The following GAS6 variants were observed in gnomAD, a reference collection of about 807,000 sequenced individuals.
GAS6 encodes the protein growth arrest specific 6, also known as growth arrest-specific protein 6.
In GAS6, 41 loss-of-function variants were observed where a neutral mutation model predicts 75.8. The ratio of observed to expected loss-of-function variants is 0.54; its 90% confidence interval spans 0.42 to 0.70. The LOEUF (loss-of-function observed/expected upper bound fraction) is 0.70. Among genes scored for constraint, GAS6 ranks in the 30% least tolerant of loss-of-function variants. GAS6 has a pLI of 0.00. For missense variants in GAS6, 854 were observed against 940.2 expected (o/e 0.91, Z 1.20); for synonymous variants, 432 against 412.6 (o/e 1.05, Z -0.57).
intron 6 of GAS6, chr13:113,835,942 A>C: frequency 8.6e-7 from 1 of 1,159,476 alleles, no homozygotes; most frequent in Non-Finnish European, 1.1e-6. Flanking sequence ...GTTCCATTTA[A>C]ATGACGGTGC....
At chr13:113,847,705 T>C (rs2051845046) in intron 3 of GAS6, 1 of 377,398 alleles carries the variant, frequency 2.6e-6, no homozygotes, top group Admixed American at 4.6e-5. Context: ...TCAGAAGTGA[T>C]TAGTGCTGAG....
chr13:113,836,177 G>C, intron 6 of GAS6: 1 of 366,372 alleles, frequency 2.7e-6, no homozygotes, highest in Non-Finnish European at 3.3e-6. Flanking sequence ...CCAGAGGAGA[G>C]CAAAGGCAGG....
chr13:113,828,892 AGC>A (rs2051588987), intron 10 of GAS6, among the ~76,000 whole-genome samples, 181 bp from the exon 11 acceptor site: 1 of 119,790 alleles, frequency 8.3e-6, no homozygotes, highest in Non-Finnish European at 1.8e-5. Flanking sequence ...TCCTCCCCTG[AGC>A]CAAGAGGGTC....
intron 2 of GAS6, among the ~76,000 whole-genome samples, chr13:113,853,315 G>A (rs1167691863): frequency 6.6e-6 from 1 of 152,178 alleles, no homozygotes; most frequent in African/African-American, 2.4e-5. Flanking sequence ...CTGGTGGTGA[G>A]GGGCAGCCAG....
At chr13:113,851,353 G>A (rs1331803318) in intron 2 of GAS6, among the ~76,000 whole-genome samples, 1 of 128,086 alleles carries the variant, frequency 7.8e-6, no homozygotes, top group Non-Finnish European at 1.6e-5. Flanking sequence ...GTGAGTGAAT[G>A]GATGAATGAA....
intron 2 of GAS6, among the ~76,000 whole-genome samples, chr13:113,859,553 T>C (rs1447099071): frequency 6.6e-6 from 1 of 152,126 alleles, no homozygotes; most frequent in Non-Finnish European, 1.5e-5. Context: ...TGTGTGTGTG[T>C]ACGTATATCT....
intron 2 of GAS6, among the ~76,000 whole-genome samples, chr13:113,851,505 G>A (rs74498191): frequency 0.083 from 12,505 of 151,240 alleles, 642 homozygotes; most frequent in East Asian, 0.17. Flanking sequence ...GAATAGGTGG[G>A]TGGGTGAGTG....
chr13:113,830,390 C>A (rs2051614815), intron 10 of GAS6, among the ~76,000 whole-genome samples: 1 of 145,234 alleles, frequency 6.9e-6, no homozygotes, highest in Non-Finnish European at 1.5e-5. Flanking sequence ...CTCAGGCCAC[C>A]TGCCCTGGGC....
rs1039818352 is a variant in GAS6 at position 113,847,578 on chromosome 13, C to T, written c.280+448G>A. 20 of 185,016 alleles carry T rather than the reference C, an allele frequency of 1.1e-4. 1 individual carries two copies. In the Admixed American group the frequency reaches 1.2e-3, roughly 11 times the overall value. 11.5% of individuals were successfully genotyped at this position (185,016 alleles called of 1,614,324 possible). A position where few individuals can be genotyped will look rare whatever the true frequency, so the allele number is the denominator to read the frequency against. On this transcript the variant is annotated intron_variant, in intron 3 of 14. Coordinates refer to ENST00000327773, the MANE Select transcript of GAS6 (RefSeq NM_000820.4). ...TGGCTGAGATAACGTCTGGCATTCC[C>T]GTTCTTCAAATTAAACAGAAACACT...
chr13:113,832,839 C>T, intron 8 of GAS6, 87 bp from the exon 9 acceptor site: 8 of 1,597,640 alleles, frequency 5.0e-6, no homozygotes, highest in African/African-American at 1.3e-5. Flanking sequence ...GCAGCGGGTC[C>T]ACTGTCCCTC....
At chr13:113,822,275 C>G (rs1594186150) in intron 13 of GAS6, 89 bp from the exon 14 acceptor site, 2 of 1,012,562 alleles carry the variant, frequency 2.0e-6, no homozygotes, top group East Asian at 2.8e-5. Flanking sequence ...TGCTGGCCAC[C>G]CCTACGCCGC....
rs560984754 is a variant in GAS6, at chr13:113,837,528, C to T, written c.589+541G>A. Among the ~76,000 whole-genome samples the T allele has an allele frequency of 1.9e-4, 29 of 152,256 alleles. No homozygotes were observed. The highest frequency in any genetic ancestry group is 6.5e-4 in the African/African-American group (27 of 41,548). On this transcript the variant is annotated intron_variant, in intron 6 of 14. Coordinates refer to ENST00000327773, the MANE Select transcript of GAS6 (RefSeq NM_000820.4). The surrounding 1 kb of genome is among the most constrained non-coding windows in gnomAD (Gnocchi z 5.1). ...GCAGCAGCAGCACCTGGAACAGCGT[C>T]GGGGGCGCGCACATTCACAGTGACT...
At chr13:113,854,631 C>A (rs1391471881) in intron 2 of GAS6, among the ~76,000 whole-genome samples, 3 of 152,280 alleles carry the variant, frequency 2.0e-5, no homozygotes, top group Non-Finnish European at 4.4e-5. Context: ...AGGCCCTGAG[C>A]CAGCACAGGC....
Position 113,832,505 on chromosome 13 carries a change from G to T in GAS6, c.954-17C>A. On this transcript the variant is annotated splice_polypyrimidine_tract_variant and intron_variant, in intron 9 of 14. Transcript: ENST00000327773. The stretch of plus-strand genomic sequence containing the variant: ...GCTACCAGCCTGGGCACCCACAGGA[G>T]AAATGAGTCAGCACTGGGCACAGGC... 6.3e-7 allele frequency: 1 copy of T among 1,594,800 alleles called. No individual in the cohort carries two copies. The highest frequency in any genetic ancestry group is 8.6e-7 in the Non-Finnish European group (1 of 1,168,596).
rs1419971657 is a variant in GAS6, at chr13:113,863,576, G to T, written c.254C>A (p.Thr85Lys). ...GCATCCCGCCCGCCGGCTGCTCACC[G>T]TCTCGGGGTCGTTCTCGAACACCTC... ...AREVFENDPE[T>K]DYFYPRYLDC... is the part of the protein sequence containing the mutation. Residue 85 changes from threonine (T) to lysine (K), a missense_variant and splice_region_variant, in exon 2 of 15, where the codon ACG becomes AAG. Transcript: ENST00000327773. The surrounding 1 kb of genome is among the most constrained non-coding windows in gnomAD (Gnocchi z 9.4). 6.6e-7 allele frequency: 1 copy of T among 1,511,350 alleles called. No individual in the cohort carries two copies. The highest frequency in any genetic ancestry group is 2.1e-5 in the Admixed American group (1 of 48,508). 93.6% of individuals were successfully genotyped at this position (1,511,350 alleles called of 1,614,324 possible).
At position 113,821,984 on chromosome 13, in the gene GAS6, A is replaced by G. The variant is rs1290115806; in HGVS notation, c.1856T>C (p.Val619Ala). 1.3e-6 allele frequency: 2 copies of G among 1,544,322 alleles called. No individual in the cohort carries two copies. The highest frequency in any genetic ancestry group is 2.7e-5 in the African/African-American group (2 of 73,342). Residue 619 changes from valine (V) to alanine (A), a missense_variant, in exon 14 of 15, where the codon GTG (valine) becomes GCG (alanine). Coordinates refer to ENST00000327773, the MANE Select transcript of GAS6 (RefSeq NM_000820.4). ...AVLERHLRSP[V>A]LTFAGGLPDV... Reference sequence around the variant, plus strand: ...TGGCAGGCCGCCAGCAAAGGTGAGCACGGGGCTCCGCAGGTGCCTCTCGAG... The same window carrying G: ...TGGCAGGCCGCCAGCAAAGGTGAGCGCGGGGCTCCGCAGGTGCCTCTCGAG...
chr13:113,823,543 G>T lies in GAS6; in HGVS notation c.1485C>A (p.Thr495=). Residue 495 remains threonine (T), a synonymous_variant, in exon 13 of 15, where the codon ACC becomes ACA. Coordinates refer to ENST00000327773, the MANE Select transcript of GAS6 (RefSeq NM_000820.4). ...TTGATTCAGTCCCGACGTCCAGAGG[G>T]GTCCGCACTGCAATGAAAGCGGTGC... ...FAFYSLDYMR[T]PLDVGTESTW... 6 of 1,610,164 alleles carry T rather than the reference G, an allele frequency of 3.7e-6. No homozygotes were observed. The highest frequency in any genetic ancestry group is 5.1e-6 in the Non-Finnish European group (6 of 1,178,198).
rs1156351240 is a variant in GAS6, at chr13:113,832,385, C to T, written c.1057G>A (p.Gly353Ser). 6.8e-6 allele frequency: 11 copies of T among 1,611,662 alleles called. No individual in the cohort carries two copies. The highest frequency in any genetic ancestry group is 9.3e-6 in the Non-Finnish European group (11 of 1,179,920). The change falls in exon 10 of 15, where the codon GGC becomes AGC. Residue 353 changes from glycine to serine, a missense_variant. Gly to Ser is a moderately conservative substitution (Grantham distance 56). Transcript: ENST00000327773. ...TAGCGCAGCTGCAGCTCCAGCCGGC[C>T]GGCTCTCAGGGCCAGCACGATCCAG... ...STWIVLALRA[G>S]RLELQLRYNG...
rs756807318 is a variant in GAS6, at chr13:113,821,065, G to A, written c.1883-47C>T. ...ACATATCTTAGCTCACCACGTGGCC[G>A]GCCCCGCCTGGCCCCCCCACCCCCG... On this transcript the variant is annotated intron_variant, in intron 14 of 14. Transcript: ENST00000327773. The A allele has an allele frequency of 4.9e-5, 78 of 1,583,794 alleles. 1 individual carries two copies. The South Asian group carries it at 6.0e-4, about 12-fold the overall frequency.
Sources: gnomAD v4.1 joint callset for allele counts (sites outside exome capture counted in the v4.1 genomes callset) on GRCh38, gnomAD v4.1.1 for gene constraint, Gnocchi (gnomAD v3.1) non-coding constraint, MANE v1.5 for transcripts, NCBI Gene and HGNC (gene_info 2026-07-23, HGNC 2026-07-21) for gene names.